Variants in UNC93A observed in about 807,000 individuals in gnomAD.
UNC93A encodes unc-93 homolog A.
Under a neutral mutation model 47.5 loss-of-function variants are expected in UNC93A, and 43 were observed. That is an observed-to-expected ratio of 0.91 (90% CI 0.71 to 1.17). The LOEUF (loss-of-function observed/expected upper bound fraction) is 1.17. Ranked by LOEUF, UNC93A falls within the 50% of genes most tolerant of loss-of-function variation. The pLI is 0.00. For missense variants in UNC93A, 605 were observed against 577.6 expected, an observed-to-expected ratio of 1.05 and a Z score of -0.49; for synonymous variants, 280 against 258.0, an observed-to-expected ratio of 1.09 and a Z score of -0.82.
intron 4 of UNC93A, 114 bp downstream of exon 4, chr6:167,298,184 A>C (rs1778144584): frequency 1.4e-6 from 2 of 1,453,904 alleles, no homozygotes; most frequent in African/African-American, 2.8e-5. Context: ...TTCTTCTGAA[A>C]TATCCTTGCA....
In UNC93A at chr6:167,306,016, G is replaced by A. The variant is rs756461200; in HGVS notation, c.942G>A (p.Ser314=). 3.7e-5 allele frequency: 60 copies of A among 1,614,054 alleles called. No individual in the cohort carries two copies. Among genetic ancestry groups the A allele is most frequent in the South Asian group, 1.1e-4 (10 of 91,086 alleles). ...ALCSVLYGKV[S]QYTGRAVLYV... ...GCTCCGTGTTGTATGGAAAGGTCTC[G>A]CAGTACACGGGCAGGGCTGTGCTGT... is the stretch of plus-strand genomic sequence containing the variant. Residue 314 remains serine, a synonymous_variant, in exon 6 of 8, where the codon TCG becomes TCA. Transcript: ENST00000230256.
At chr6:167,288,061 T>C (rs1370866582), upstream of UNC93A, among the ~76,000 whole-genome samples, 1 of 152,134 alleles carries the variant, frequency 6.6e-6, no homozygotes, top group African/African-American at 2.4e-5. Context: ...AGACCCAGAA[T>C]CCCAGGACAT....
chr6:167,314,429 G>C (rs1371924143), intron 7 of UNC93A, among the ~76,000 whole-genome samples: 1 of 152,102 alleles, frequency 6.6e-6, no homozygotes, highest in Non-Finnish European at 1.5e-5. Flanking sequence ...CACTGTCCCT[G>C]CTCCTGTCCC....
Position 167,295,925 on chromosome 6 carries a change from G to A in UNC93A, c.270-107G>A, listed in dbSNP as rs561569578. On this transcript the variant is annotated intron_variant, in intron 2 of 7. Transcript: ENST00000230256. ...ACACTCATCACCACGCTTGCAATGGGCCAGGCGGTGGTTCCTTCTCCCAGA... is the reference window on the plus strand; with the variant it reads ...ACACTCATCACCACGCTTGCAATGGACCAGGCGGTGGTTCCTTCTCCCAGA... 95 of 1,000,092 alleles carry A rather than the reference G, an allele frequency of 9.5e-5. 1 individual carries two copies. The South Asian group carries it at 1.4e-3, about 15-fold the overall frequency. 62.0% of individuals were successfully genotyped at this position (1,000,092 alleles called of 1,614,324 possible). A position where few individuals can be genotyped will look rare whatever the true frequency, so the allele number is the denominator to read the frequency against.
intron 1 of UNC93A, among the ~76,000 whole-genome samples, chr6:167,285,938 T>C (rs867195119): frequency 4.6e-5 from 6 of 131,744 alleles, no homozygotes; most frequent in Non-Finnish European, 6.4e-5. Flanking sequence ...TTAGTTTTCT[T>C]TCTCTCTCTC....
chr6:167,276,285 G>T (rs2115074409), intron 1 of UNC93A, among the ~76,000 whole-genome samples: 3 of 151,770 alleles, frequency 2.0e-5, no homozygotes, highest in Admixed American at 2.0e-4. Context: ...TCCATATCTT[G>T]GCTATTGTGA....
chr6:167,310,395 A>T, intron 7 of UNC93A, among the ~76,000 whole-genome samples: 1 of 152,290 alleles, frequency 6.6e-6, no homozygotes, highest in Non-Finnish European at 1.5e-5. Flanking sequence ...CCTTTTCCTT[A>T]TATGGACACA....
chr6:167,288,453 CA>C (rs1783780915), upstream of UNC93A, among the ~76,000 whole-genome samples: 1 of 16,096 alleles, frequency 6.2e-5, no homozygotes, highest in Non-Finnish European at 1.6e-4. Flanking sequence ...CTTCCTTACA[CA>C]CACACACACA....
In UNC93A at chr6:167,315,467, G is replaced by T; in HGVS notation, c.*15G>T. The stretch of plus-strand genomic sequence containing the variant: ...CAAAAATGTGAGAGCAGTGAGGTCC[G>T]AGGAGGATGAACTCAGAAAGCACCA... On this transcript the variant is annotated 3_prime_UTR_variant, in exon 8 of 8. Transcript: ENST00000230256. The T allele has an allele frequency of 3.1e-6, 5 of 1,613,888 alleles. No individual in the cohort carries two copies. Among genetic ancestry groups the T allele is most frequent in the South Asian group, 1.1e-5 (1 of 91,070 alleles).
intron 1 of UNC93A, among the ~76,000 whole-genome samples, chr6:167,273,709 T>C (rs13214941): frequency 0.71 from 106,909 of 150,230 alleles, 38,497 homozygotes; most frequent in African/African-American, 0.84. Flanking sequence ...ACATTTAAGC[T>C]GTACATCAGT....
intron 5 of UNC93A, 38 bp from the exon 6 acceptor site, chr6:167,305,877 G>A (rs1333061055): frequency 4.3e-6 from 7 of 1,613,232 alleles, no homozygotes; most frequent in Middle Eastern, 1.7e-4. Flanking sequence ...GGGAGGCCTG[G>A]GAGCGTCCAT....
At chr6:167,271,436 G>A (rs1197374634) in exon 1 of UNC93A, 1 of 152,314 alleles carries the variant, frequency 6.6e-6, no homozygotes, top group Non-Finnish European at 1.5e-5. Flanking sequence ...ATTAATGAAA[G>A]GGCCATTCAG....
intron 4 of UNC93A, among the ~76,000 whole-genome samples, chr6:167,300,029 C>T (rs997259668): frequency 6.6e-6 from 1 of 151,568 alleles, no homozygotes; most frequent in African/African-American, 2.4e-5. Context: ...AGAGAGAGGC[C>T]AGCAGGGTCC....
upstream of UNC93A, among the ~76,000 whole-genome samples, chr6:167,287,376 A>G (rs1222215728): frequency 2.6e-5 from 4 of 151,794 alleles, no homozygotes; most frequent in East Asian, 7.7e-4. Context: ...CGTGTGTACC[A>G]CCCCATACTC....
chr6:167,286,977 C>CAAAA (rs548370859), upstream of UNC93A, among the ~76,000 whole-genome samples: 19 of 110,018 alleles, frequency 1.7e-4, no homozygotes, highest in African/African-American at 5.2e-4. Flanking sequence ...GACTCTGTCT[C>CAAAA]AAAAAAAAAA....
At chr6:167,288,449 T>TACACACACACAC (rs10586281), upstream of UNC93A, among the ~76,000 whole-genome samples, 113 of 134,848 alleles carry the variant, frequency 8.4e-4, no homozygotes, top group Admixed American at 2.5e-3. Flanking sequence ...TGTTCTTCCT[T>TACACACACACAC]ACACACACAC....
At chr6:167,278,161 C>CACACT (rs1554236694) in intron 1 of UNC93A, among the ~76,000 whole-genome samples, 1 of 152,226 alleles carries the variant, frequency 6.6e-6, no homozygotes, top group Admixed American at 6.5e-5. Context: ...GAAAAAGGGA[C>CACACT]ACATTACATT....
At chr6:167,274,955 G>A (rs1183579222) in intron 1 of UNC93A, among the ~76,000 whole-genome samples, 1 of 152,180 alleles carries the variant, frequency 6.6e-6, no homozygotes, top group Non-Finnish European at 1.5e-5. Context: ...GAAAAAATAA[G>A]TCCTTCATAC....
chr6:167,291,094 T>C (rs1269635347), upstream of UNC93A, among the ~76,000 whole-genome samples: 1 of 152,230 alleles, frequency 6.6e-6, no homozygotes, highest in African/African-American at 2.4e-5. Context: ...TTTCTCTTAC[T>C]GTGGAAGGTT....
Sources: gnomAD v4.1 joint callset for allele counts (sites outside exome capture counted in the v4.1 genomes callset) on GRCh38, gnomAD v4.1.1 for gene constraint, MANE v1.5 for transcripts, NCBI Gene and HGNC (gene_info 2026-07-23, HGNC 2026-07-21) for gene names.